The following PLCB1 variants were observed in gnomAD, a reference collection of about 807,000 sequenced individuals.
The protein encoded by PLCB1 is phospholipase C beta 1.
In PLCB1, 46 loss-of-function variants were observed where a neutral mutation model predicts 161.8. The observed-to-expected ratio is 0.28, with a 90% CI of 0.22 to 0.36. The LOEUF (loss-of-function observed/expected upper bound fraction) is 0.36, where lower values mean the gene tolerates loss of function less well. Ranked by LOEUF, PLCB1 falls within the 10% of genes least tolerant of loss-of-function variation. PLCB1 has a pLI of 1.00. For missense variants in PLCB1, 1,016 were observed against 1,472.5 expected (o/e 0.69, Z 5.07); for synonymous variants, 517 against 503.7 (o/e 1.03, Z -0.35).
intron 31 of PLCB1, among the ~76,000 whole-genome samples, chr20:8,819,442 T>G (rs1192713535): frequency 2.0e-5 from 3 of 152,198 alleles, no homozygotes; most frequent in Non-Finnish European, 2.9e-5. Flanking sequence ...CTTTGTGCAT[T>G]TGGGAAAAGG....
At chr20:8,382,951 A>G (rs1385490783) in intron 3 of PLCB1, among the ~76,000 whole-genome samples, 18 of 152,130 alleles carry the variant, frequency 1.2e-4, no homozygotes, top group Admixed American at 1.2e-3. Context: ...TTTTACTTCC[A>G]ATTATGTAGT....
intron 27 of PLCB1, among the ~76,000 whole-genome samples, chr20:8,779,384 G>A (rs1318001726): frequency 6.6e-6 from 1 of 151,796 alleles, no homozygotes; most frequent in African/African-American, 2.4e-5. Flanking sequence ...TGAAAGCACA[G>A]ATATAACTAT....
intron 2 of PLCB1, among the ~76,000 whole-genome samples, chr20:8,230,561 G>T (rs377212378): frequency 6.6e-6 from 1 of 152,018 alleles, no homozygotes; most frequent in African/African-American, 2.4e-5. Context: ...TCTTTCCATA[G>T]CTTGCAAGAC....
intron 3 of PLCB1, among the ~76,000 whole-genome samples, chr20:8,376,415 T>C (rs1397052191): frequency 1.3e-5 from 2 of 152,226 alleles, no homozygotes; most frequent in Non-Finnish European, 2.9e-5. Context: ...TTTTCTTTCC[T>C]AATCTCTACA....
intron 2 of PLCB1, among the ~76,000 whole-genome samples, chr20:8,264,172 T>G (rs995998459): frequency 5.9e-5 from 9 of 152,184 alleles, no homozygotes; most frequent in African/African-American, 2.2e-4. Context: ...ACTTGTTTGT[T>G]AAAAACTAAG....
chr20:8,816,189 C>T (rs562698718), intron 31 of PLCB1, among the ~76,000 whole-genome samples: 1 of 152,196 alleles, frequency 6.6e-6, no homozygotes, highest in East Asian at 1.9e-4. Flanking sequence ...GAGAGGGACA[C>T]TGGAAAGAGA....
Position 8,759,896 on chromosome 20 carries a change from A to ATTTTTTTTTT in PLCB1, c.2657-498_2657-489dup, listed in dbSNP as rs3033840. On this transcript the variant is annotated intron_variant, in intron 24 of 31. Transcript: ENST00000338037. ...TTATAAATGGGGCATATAATATCACATTTTTTTTTTTTTTTTTTTTTTGGA... is the reference window on the plus strand; with the variant it reads ...TTATAAATGGGGCATATAATATCACATTTTTTTTTTTTTTTTTTTTTTTTTTTTTTTTGGA... Among the ~76,000 whole-genome samples the ATTTTTTTTTT allele has an allele frequency of 8.7e-4, 68 of 78,268 alleles. 10 individuals are homozygous for ATTTTTTTTTT. The highest frequency in any genetic ancestry group is 3.1e-3 in the African/African-American group (60 of 19,566). 51.3% of individuals were successfully genotyped at this position (78,268 alleles called of 152,430 possible).
chr20:8,331,708 G>A (rs915835274), intron 2 of PLCB1, among the ~76,000 whole-genome samples: 4 of 152,136 alleles, frequency 2.6e-5, no homozygotes, highest in African/African-American at 9.7e-5. Context: ...AAAGAAATGA[G>A]GGCAAATGCT....
chr20:8,730,639 A>G (rs1980190350), intron 18 of PLCB1, among the ~76,000 whole-genome samples: 1 of 151,800 alleles, frequency 6.6e-6, no homozygotes, highest in African/African-American at 2.4e-5. Flanking sequence ...ACTAAAAAAA[A>G]ACTATTTTTA....
At chr20:8,809,412 T>C (rs1984702387) in intron 31 of PLCB1, among the ~76,000 whole-genome samples, 1 of 152,172 alleles carries the variant, frequency 6.6e-6, no homozygotes, top group Non-Finnish European at 1.5e-5. Context: ...CCATCGGTAG[T>C]GGTGGCTCTG....
At chr20:8,255,507 G>A (rs1981365557) in intron 2 of PLCB1, among the ~76,000 whole-genome samples, 2 of 151,986 alleles carry the variant, frequency 1.3e-5, no homozygotes, top group Admixed American at 1.3e-4. Context: ...CTTAAGGTAT[G>A]ATACAAAATG....
At position 8,548,277 on chromosome 20, in the gene PLCB1, TTTTC is replaced by T. The variant is rs200670879; in HGVS notation, c.247-80005_247-80002del. ...TTCACCCTTCCTTCCTTCTTTCATT[TTTTC>T]TTTCTTTCTTTGTTTTTCTTTCGTC... On this transcript the variant is annotated intron_variant, in intron 3 of 31. Coordinates refer to ENST00000338037, the MANE Select transcript of PLCB1 (RefSeq NM_015192.4). Among the ~76,000 whole-genome samples, 1,165 of 146,984 alleles carry T rather than the reference TTTTC, an allele frequency of 7.9e-3. 23 individuals carry two copies. Among genetic ancestry groups the T allele is most frequent in the African/African-American group, 0.027 (1,101 of 40,076 alleles).
chr20:8,569,602 T>G (rs2123046130), intron 3 of PLCB1, among the ~76,000 whole-genome samples: 1 of 152,344 alleles, frequency 6.6e-6, no homozygotes, highest in Middle Eastern at 3.4e-3. Context: ...GACAATATCC[T>G]ATGTGTCCAC....
chr20:8,884,839 C>T lies in PLCB1; in HGVS notation c.*2990C>T, dbSNP rs2146341496. On this transcript the variant is annotated 3_prime_UTR_variant, in exon 32 of 32. Transcript: ENST00000338037. The stretch of plus-strand genomic sequence containing the variant: ...ATTTTGTGGCATGATGTTTCTTCCA[C>T]TTGTAATTTTATGTGCTTTCATCAC... The T allele has an allele frequency of 6.5e-6, 1 of 152,730 alleles. No homozygotes were observed. The highest frequency in any genetic ancestry group is 1.9e-4 in the East Asian group (1 of 5,184). The allele number at this position is 152,730 out of a possible 1,614,324, so 9.5% of individuals were successfully genotyped here. A position where few individuals can be genotyped will look rare whatever the true frequency, so the allele number is the denominator to read the frequency against.
chr20:8,629,788 T>TCCTA (rs1179575776), intron 4 of PLCB1, among the ~76,000 whole-genome samples: 1 of 75,862 alleles, frequency 1.3e-5, no homozygotes. Context: ...GTTCCTTCCT[T>TCCTA]CCTTTCTTTC....
intron 31 of PLCB1, among the ~76,000 whole-genome samples, chr20:8,834,076 T>C (rs1986154924): frequency 6.6e-6 from 1 of 152,220 alleles, no homozygotes; most frequent in Non-Finnish European, 1.5e-5. Flanking sequence ...GAATAAATAT[T>C]CAGCAAATAT....
chr20:8,219,465 C>T (rs1979299443), intron 2 of PLCB1, among the ~76,000 whole-genome samples: 1 of 152,116 alleles, frequency 6.6e-6, no homozygotes, highest in African/African-American at 2.4e-5. Context: ...GTGGGATGCT[C>T]TCTATAAGGG....
chr20:8,685,835 T>C (rs964694313), intron 10 of PLCB1, among the ~76,000 whole-genome samples: 2 of 152,226 alleles, frequency 1.3e-5, no homozygotes, highest in Non-Finnish European at 2.9e-5. Flanking sequence ...ACTTATACTT[T>C]ATTGTAAATA....
chr20:8,824,623 C>A (rs1985599049), intron 31 of PLCB1, among the ~76,000 whole-genome samples: 1 of 152,182 alleles, frequency 6.6e-6, no homozygotes, highest in Non-Finnish European at 1.5e-5. Context: ...CTACTGTATT[C>A]TGGCCACCAG....
Sources: allele counts gnomAD v4.1 joint callset (sites outside exome capture counted in the v4.1 genomes callset), GRCh38; gene constraint gnomAD v4.1.1; transcripts MANE v1.5; gene names NCBI Gene and HGNC (gene_info 2026-07-23, HGNC 2026-07-21).